The following SPOCK1 variants were observed in gnomAD, a reference collection of about 807,000 sequenced individuals.
SPOCK1 encodes testican-1.
A neutral mutation model predicts 55.3 loss-of-function variants in SPOCK1; 23 were observed. The observed-to-expected ratio is 0.42, with a 90% CI of 0.30 to 0.59. The LOEUF (loss-of-function observed/expected upper bound fraction) is 0.59, where lower values mean the gene tolerates loss of function less well. Among genes scored for constraint, SPOCK1 ranks in the 20% least tolerant of loss-of-function variants. The pLI is 0.22. For synonymous variants in SPOCK1, 226 were observed against 221.0 expected (o/e 1.02, Z -0.20); for missense variants, 499 against 552.5 (o/e 0.90, Z 0.97).
chr5:136,983,806 C>A (rs909357778), intron 9 of SPOCK1, among the ~76,000 whole-genome samples: 2 of 152,176 alleles, frequency 1.3e-5, no homozygotes, highest in African/African-American at 4.8e-5. Context: ...CTGGAGTAAT[C>A]TCCATATGTG....
At position 137,280,363 on chromosome 5, in the gene SPOCK1, C is replaced by A. The variant is rs735824; in HGVS notation, c.187-13308G>T. On this transcript the variant is annotated intron_variant, in intron 2 of 10. Transcript: ENST00000394945. ...ATAACATTGCAAGTCCCTTCCAGTC[C>A]TAACATTGTATGATTCTAAACATGT... Among the ~76,000 whole-genome samples, 12 of 152,190 alleles carry A rather than the reference C, an allele frequency of 7.9e-5. No individual in the cohort carries two copies. In the South Asian group the frequency reaches 2.5e-3, roughly 32 times the overall value.
intron 4 of SPOCK1, among the ~76,000 whole-genome samples, chr5:137,126,500 C>T (rs55787517): frequency 0.18 from 27,134 of 152,184 alleles, 3,273 homozygotes; most frequent in East Asian, 0.38. Context: ...CAGTTGCTCA[C>T]ACCTATAATC....
At position 137,306,154 on chromosome 5, in the gene SPOCK1, C is replaced by T. The variant is rs74906882; in HGVS notation, c.187-39099G>A. On this transcript the variant is annotated intron_variant, in intron 2 of 10. Transcript: ENST00000394945. Reference sequence around the variant, plus strand: ...GAGAAGTCATGTGACAAGAGGAACACGTCATACAGTGCACAGCACTGGAAG... The same window carrying T: ...GAGAAGTCATGTGACAAGAGGAACATGTCATACAGTGCACAGCACTGGAAG... Among the ~76,000 whole-genome samples the T allele has an allele frequency of 2.6e-5, 4 of 152,198 alleles. No individual in the cohort carries two copies. In the East Asian group the frequency reaches 7.7e-4, roughly 29 times the overall value.
intron 3 of SPOCK1, among the ~76,000 whole-genome samples, chr5:137,266,389 A>C (rs1421703449): frequency 6.6e-6 from 1 of 152,196 alleles, no homozygotes; most frequent in East Asian, 1.9e-4. Context: ...CTGTGTCTTA[A>C]ATAACTCACA....
In SPOCK1 at chr5:137,037,097, G is replaced by A. The variant is rs527741426; in HGVS notation, c.589+30618C>T. Among the ~76,000 whole-genome samples the A allele has an allele frequency of 7.2e-5, 11 of 151,972 alleles. No individual in the cohort carries two copies. The South Asian group carries it at 1.9e-3, about 26-fold the overall frequency. On this transcript the variant is annotated intron_variant, in intron 6 of 10. Coordinates refer to ENST00000394945, the MANE Select transcript of SPOCK1 (RefSeq NM_004598.4). ...ACAATGAAAAATAAAGCTAATTTCA[G>A]ATGGCATATTCTGTATACCTGAATC...
At chr5:137,012,393 G>A (rs1751367983) in intron 6 of SPOCK1, among the ~76,000 whole-genome samples, 1 of 152,020 alleles carries the variant, frequency 6.6e-6, no homozygotes, top group African/African-American at 2.4e-5. Context: ...GTTGGTCTCT[G>A]GTACATAATT....
chr5:137,132,021 A>ATATAT lies in SPOCK1; in HGVS notation c.347+8558_347+8559insATATA, dbSNP rs1561621235. Among the ~76,000 whole-genome samples the ATATAT allele has an allele frequency of 2.3e-3, 154 of 68,412 alleles. 16 individuals are homozygous for ATATAT. Among genetic ancestry groups the ATATAT allele is most frequent in the African/African-American group, 2.9e-3 (51 of 17,474 alleles). 44.9% of individuals were successfully genotyped at this position (68,412 alleles called of 152,430 possible). ...ATATATATATATATATATATATATAAAAAATTAGCTGGGCATGGTGGCAAG... is the reference window on the plus strand; with the variant it reads ...ATATATATATATATATATATATATAATATATAAAATTAGCTGGGCATGGTGGCAAG... On this transcript the variant is annotated intron_variant, in intron 4 of 10. Transcript: ENST00000394945.
intron 4 of SPOCK1, among the ~76,000 whole-genome samples, chr5:137,127,665 C>A (rs1468963904): frequency 6.6e-6 from 1 of 152,236 alleles, no homozygotes; most frequent in African/African-American, 2.4e-5. Flanking sequence ...TTACTTGGGG[C>A]CTGTTATCCC....
chr5:137,469,441 T>C (rs936421707), intron 2 of SPOCK1, among the ~76,000 whole-genome samples: 78 of 152,240 alleles, frequency 5.1e-4, no homozygotes, highest in African/African-American at 1.8e-3. Context: ...TTCCCAAAGT[T>C]GTTTTTTTTT....
chr5:137,347,997 G>C (rs905276162), intron 2 of SPOCK1, among the ~76,000 whole-genome samples: 7 of 152,224 alleles, frequency 4.6e-5, no homozygotes, highest in Non-Finnish European at 1.0e-4. Flanking sequence ...GGCCTGGCTT[G>C]CTGCGTTTCT....
chr5:137,233,605 G>A (rs1056994651), intron 3 of SPOCK1, among the ~76,000 whole-genome samples: 2 of 151,298 alleles, frequency 1.3e-5, no homozygotes, highest in Non-Finnish European at 2.9e-5. Context: ...GGGGACCCCT[G>A]CTATACATGT....
chr5:137,379,430 T>C (rs1751408480), intron 2 of SPOCK1, among the ~76,000 whole-genome samples: 1 of 152,176 alleles, frequency 6.6e-6, no homozygotes, highest in Non-Finnish European at 1.5e-5. Context: ...CTGGGTAATA[T>C]GCGAATGCAT....
intron 2 of SPOCK1, among the ~76,000 whole-genome samples, chr5:137,476,833 A>T (rs1158369547): frequency 1.3e-5 from 2 of 152,070 alleles, no homozygotes; most frequent in African/African-American, 4.8e-5. Context: ...GCTGAGGTGG[A>T]AGGATCGCTT....
chr5:137,023,253 TTAG>T (rs1751608287), intron 6 of SPOCK1, among the ~76,000 whole-genome samples: 1 of 152,232 alleles, frequency 6.6e-6, no homozygotes, highest in East Asian at 1.9e-4. Context: ...AGTAAATTTC[TTAG>T]TAAGCATTGA....
chr5:137,221,033 C>G (rs1276554202), intron 3 of SPOCK1, among the ~76,000 whole-genome samples: 2 of 152,234 alleles, frequency 1.3e-5, no homozygotes, highest in East Asian at 1.9e-4. Flanking sequence ...AGAAATATAT[C>G]TGCTTAAATA....
At chr5:137,223,982 A>G (rs2127089351) in intron 3 of SPOCK1, among the ~76,000 whole-genome samples, 1 of 152,324 alleles carries the variant, frequency 6.6e-6, no homozygotes, top group South Asian at 2.1e-4. Flanking sequence ...CTTGAAGTTT[A>G]TTCCTGAGGT....
intron 6 of SPOCK1, among the ~76,000 whole-genome samples, chr5:137,035,285 C>G (rs1009186529): frequency 6.6e-6 from 1 of 152,154 alleles, no homozygotes; most frequent in East Asian, 1.9e-4. Context: ...CCCTGCGGCT[C>G]CCCCAGCGGA....
intron 2 of SPOCK1, among the ~76,000 whole-genome samples, chr5:137,269,310 A>T (rs1756915651): frequency 6.6e-6 from 1 of 152,236 alleles, no homozygotes; most frequent in Non-Finnish European, 1.5e-5. Flanking sequence ...GATTCTCTGC[A>T]TCTGATTGCT....
At chr5:137,231,677 G>T (rs1489436769) in intron 3 of SPOCK1, among the ~76,000 whole-genome samples, 1 of 152,188 alleles carries the variant, frequency 6.6e-6, no homozygotes, top group Non-Finnish European at 1.5e-5. Flanking sequence ...TGTAGCTATT[G>T]TAAATAAAGC....
Sources: allele counts gnomAD v4.1 joint callset (sites outside exome capture counted in the v4.1 genomes callset), GRCh38; gene constraint gnomAD v4.1.1; transcripts MANE v1.5; gene names NCBI Gene and HGNC (gene_info 2026-07-23, HGNC 2026-07-21).